Variants in SEC31B observed in about 807,000 individuals in gnomAD.
SEC31B encodes the protein SEC31 homolog B, COPII component.
Under a neutral mutation model 135.0 loss-of-function variants are expected in SEC31B, and 113 were observed. The ratio of observed to expected loss-of-function variants is 0.84; its 90% CI spans 0.72 to 0.98. SEC31B has a LOEUF of 0.98. SEC31B is among the 50% of genes least tolerant of loss of function. The pLI is 0.00. For synonymous variants in SEC31B, 508 were observed against 549.4 expected, an observed-to-expected ratio of 0.92 and a Z score of 1.05; for missense variants, 1,296 against 1,421.1, an observed-to-expected ratio of 0.91 and a Z score of 1.42.
rs750456757 is a variant in SEC31B, at chr10:100,489,305, CAG to C, written c.3116_3117del (p.Pro1039ArgfsTer25). ...GGGGGAGCATGACTCACACTGGAGA[CAG>C]GGGGCTGTGAGGGAAGAATCCCTTG... Reference protein sequence around the residue: ...ELQGILPSQPPVSSVSHAPPG... With the variant: ...ELQGILPSQPXVSSVSHAPPG... On this transcript the variant is annotated frameshift_variant, in exon 23 of 26. Coordinates refer to ENST00000370345, the MANE Select transcript of SEC31B (RefSeq NM_015490.4). LOFTEE classifies it high-confidence loss of function. 5.8e-5 allele frequency: 94 copies of C among 1,613,504 alleles called. No individual in the cohort carries two copies. Among genetic ancestry groups the C allele is most frequent in the African/African-American group, 3.3e-4 (25 of 74,898 alleles).
chr10:100,487,546 A>G lies in SEC31B; in HGVS notation c.*70T>C. 1 of 1,361,338 alleles carries G rather than the reference A, an allele frequency of 7.3e-7. No individual in the cohort carries two copies. Among genetic ancestry groups the G allele is most frequent in the Non-Finnish European group, 1.0e-6 (1 of 982,528 alleles). 84.3% of individuals were successfully genotyped at this position (1,361,338 alleles called of 1,614,324 possible). On this transcript the variant is annotated 3_prime_UTR_variant, in exon 26 of 26. Transcript: ENST00000370345. ...AAAAAGAAACAGAATCTGTTGCAGAAGTCCCCTCTTCTGCAGGGAGGAGTT... is the reference window on the plus strand; with the variant it reads ...AAAAAGAAACAGAATCTGTTGCAGAGGTCCCCTCTTCTGCAGGGAGGAGTT...
chr10:100,503,936 G>C (rs1222010742), intron 10 of SEC31B, among the ~76,000 whole-genome samples: 1 of 151,956 alleles, frequency 6.6e-6, no homozygotes, highest in African/African-American at 2.4e-5. Context: ...AACTCTCCCA[G>C]TCAGAATTCT....
At position 100,505,469 on chromosome 10, in the gene SEC31B, C is replaced by A; in HGVS notation, c.1071G>T (p.Gln357His). 6.4e-7 allele frequency: 1 copy of A among 1,567,406 alleles called. No individual in the cohort carries two copies. The highest frequency in any genetic ancestry group is 8.6e-7 in the Non-Finnish European group (1 of 1,159,892). The change falls in exon 10 of 26, where the codon CAG becomes CAT. Residue 357 changes from glutamine (Q) to histidine (H), a missense_variant. Physicochemically the swap from Gln to His is conservative, Grantham distance 24 (BLOSUM62 0). Transcript: ENST00000370345. ...DKISSSFSKG[Q>H]PLPPLQVPEQ... ...CTGGCACCTGCAGTGGTGGGAGAGG[C>A]TGGCCTTTGCTGAAGGAAGAGGAGA...
chr10:100,489,308 G>C lies in SEC31B; in HGVS notation c.3115C>G (p.Pro1039Ala). The C allele has an allele frequency of 1.2e-6, 2 of 1,613,660 alleles. No individual in the cohort carries two copies. Among genetic ancestry groups the C allele is most frequent in the Non-Finnish European group, 1.7e-6 (2 of 1,179,880 alleles). The part of the protein sequence containing the change: ...ELQGILPSQP[P>A]VSSVSHAPPG... Reference sequence around the variant, plus strand: ...GGAGCATGACTCACACTGGAGACAGGGGGCTGTGAGGGAAGAATCCCTTGT... The same window carrying C: ...GGAGCATGACTCACACTGGAGACAGCGGGCTGTGAGGGAAGAATCCCTTGT... Residue 1039 changes from proline (P) to alanine (A), a missense_variant, in exon 23 of 26, where the codon CCT becomes GCT. Physicochemically the swap from Pro to Ala is conservative, Grantham distance 27. Coordinates refer to ENST00000370345, the MANE Select transcript of SEC31B (RefSeq NM_015490.4).
At position 100,497,677 on chromosome 10, in the gene SEC31B, G is replaced by A. The variant is rs760589022; in HGVS notation, c.1980C>T (p.Pro660=). ...TGGGACCACACTTACCACAGAGCTC[G>A]GGAAATTTCTCTGTGCCTGAGTATG... ...LLTYSGTEKF[P]ELCDMLGTRM... is the part of the protein sequence containing the mutation. The change falls in exon 16 of 26, where the codon CCC becomes CCT. Residue 660 remains proline, a synonymous_variant. Transcript: ENST00000370345. 2.9e-5 allele frequency: 47 copies of A among 1,614,034 alleles called. No homozygotes were observed. The highest frequency in any genetic ancestry group is 1.1e-4 in the East Asian group (5 of 44,872).
chr10:100,495,479 G>A lies in SEC31B; in HGVS notation c.2378C>T (p.Ser793Phe), dbSNP rs1262363564. 3 of 1,613,720 alleles carry A rather than the reference G, an allele frequency of 1.9e-6. No homozygotes were observed. Among genetic ancestry groups the A allele is most frequent in the Non-Finnish European group, 2.5e-6 (3 of 1,179,830 alleles). ...AQGSAVLGQQ[S>F]PPFPFPRIVV... is the part of the protein sequence containing the mutation. ...AATCCGGGGGAAGGGGAAAGGGGGAGACTGTTGGCCCAAGACAGCAGAACC... is the reference window on the plus strand; with the variant it reads ...AATCCGGGGGAAGGGGAAAGGGGGAAACTGTTGGCCCAAGACAGCAGAACC... The change falls in exon 19 of 26, where the codon TCT becomes TTT. Residue 793 changes from serine (S) to phenylalanine (F), a missense_variant. Coordinates refer to ENST00000370345, the MANE Select transcript of SEC31B (RefSeq NM_015490.4).
At position 100,509,441 on chromosome 10, in the gene SEC31B, C is replaced by T. The variant is rs201700624; in HGVS notation, c.274G>A (p.Gly92Arg). 280 of 1,614,116 alleles carry T rather than the reference C, an allele frequency of 1.7e-4. 2 individuals carry two copies. The East Asian group carries it at 4.6e-3, about 27-fold the overall frequency. ...TATAGAATAAGCATGCCATTGTCCC[C>T]GCCGCCAACAATAACCCCGGAGCTT... ...LESSGVIVGG[G>R]DNGMLILYNV... Residue 92 changes from glycine (G) to arginine (R), a missense_variant, in exon 4 of 26, where the codon GGG becomes AGG. Transcript: ENST00000370345.
At chr10:100,515,995 T>C in intron 3 of SEC31B, 101 bp downstream of exon 3, 1 of 1,407,854 alleles carries the variant, frequency 7.1e-7, no homozygotes, top group South Asian at 1.3e-5. Flanking sequence ...AAGCTCCTTC[T>C]TCCCTCACTT....
chr10:100,497,739 G>A lies in SEC31B; in HGVS notation c.1918C>T (p.Leu640=), dbSNP rs759420535. 2.5e-6 allele frequency: 4 copies of A among 1,614,072 alleles called. No individual in the cohort carries two copies. In the African/African-American group the frequency reaches 5.3e-5, roughly 22 times the overall value. The change falls in exon 16 of 26, where the codon CTG becomes TTG. Residue 640 remains leucine (L), a synonymous_variant. Transcript: ENST00000370345. ...NWKDVVCTCS[L]KNWREALALL... ...GCCAGTGCCTCTCTCCAGTTCTTCAGGCTACAGGTACACACCACATCCTTC... is the reference window on the plus strand; with the variant it reads ...GCCAGTGCCTCTCTCCAGTTCTTCAAGCTACAGGTACACACCACATCCTTC...
At chr10:100,498,999 C>T (rs1042293914) in intron 13 of SEC31B, among the ~76,000 whole-genome samples, 161 bp downstream of exon 13, 4 of 152,196 alleles carry the variant, frequency 2.6e-5, no homozygotes, top group African/African-American at 9.7e-5. Context: ...AGCTTAGGGA[C>T]TCTGTGTCTC....
chr10:100,507,540 G>C lies in SEC31B; in HGVS notation c.667C>G (p.Pro223Ala), dbSNP rs777666154. 7.4e-6 allele frequency: 12 copies of C among 1,614,124 alleles called. No individual in the cohort carries two copies. The East Asian group carries it at 2.2e-4, about 30-fold the overall frequency. ...AGCACTAACTGGGTGGCTATGTCAG[G>C]ATGCCAGGCCAGGCCTGAGCAGTGC... Reference protein sequence around the residue: ...RMHCSGLAWHPDIATQLVLCS... With the variant: ...RMHCSGLAWHADIATQLVLCS... The change falls in exon 7 of 26, where the codon CCT becomes GCT. Residue 223 changes from proline to alanine, a missense_variant. Physicochemically the swap from Pro to Ala is conservative, Grantham distance 27 (BLOSUM62 -1). Transcript: ENST00000370345.
chr10:100,517,111 G>C (rs1432280606), intron 1 of SEC31B, 114 bp from the exon 2 acceptor site: 2 of 609,570 alleles, frequency 3.3e-6, no homozygotes, highest in African/African-American at 3.7e-5. Flanking sequence ...AACACAGAGT[G>C]ACAAATACAT....
rs775282313 is a variant in SEC31B, at chr10:100,489,384, A to G, written c.3039T>C (p.Phe1013=). Residue 1013 remains phenylalanine, a synonymous_variant, in exon 23 of 26, where the codon TTT becomes TTC. Coordinates refer to ENST00000370345, the MANE Select transcript of SEC31B (RefSeq NM_015490.4). ...NLQRNKLPET[F]MPPAPITAPV... ...GAGCAGTAATTGGTGCTGGGGGCAT[A>G]AATGTCTCTGGCAGCTAAAGAGACA... The G allele has an allele frequency of 2.5e-6, 4 of 1,613,822 alleles. No homozygotes were observed. The highest frequency in any genetic ancestry group is 3.4e-6 in the Non-Finnish European group (4 of 1,179,986).
intron 16 of SEC31B, 69 bp downstream of exon 16, chr10:100,497,598 C>A: frequency 1.2e-6 from 2 of 1,610,610 alleles, no homozygotes; most frequent in Non-Finnish European, 1.7e-6. Context: ...CCACCTCCCT[C>A]CTGCATGCAT....
intron 20 of SEC31B, 154 bp from the exon 21 acceptor site, chr10:100,490,476 A>G: frequency 1.0e-6 from 1 of 968,718 alleles, no homozygotes; most frequent in Non-Finnish European, 1.5e-6. Flanking sequence ...TTTTAACTAT[A>G]TTCCTTATTT....
In SEC31B at chr10:100,496,383, G is replaced by A. The variant is rs370328642; in HGVS notation, c.2185C>T (p.Arg729Trp). ...MVLNRSLEQL[R>W]GPHGVSPGPA... is the part of the protein sequence containing the mutation. ...CCTGGGCTCACCCCATGAGGACCCC[G>A]CAGTTGCTCCAAGCTCCTGTTAAGA... Residue 729 changes from arginine to tryptophan, a missense_variant, in exon 18 of 26, where the codon CGG (arginine) becomes TGG (tryptophan). By Grantham distance (101) the Arg-to-Trp change is moderately radical. Coordinates refer to ENST00000370345, the MANE Select transcript of SEC31B (RefSeq NM_015490.4). 104 of 1,614,054 alleles carry A rather than the reference G, an allele frequency of 6.4e-5. No homozygotes were observed. Among genetic ancestry groups the A allele is most frequent in the Non-Finnish European group, 8.1e-5 (96 of 1,180,038 alleles).
chr10:100,488,696 G>A (rs1438013792), intron 24 of SEC31B, among the ~76,000 whole-genome samples, 162 bp downstream of exon 24: 1 of 152,030 alleles, frequency 6.6e-6, no homozygotes, highest in Non-Finnish European at 1.5e-5. Flanking sequence ...AGACTCAAAA[G>A]TCTCTCCCCA....
At chr10:100,512,647 G>A (rs1455100348) in intron 3 of SEC31B, among the ~76,000 whole-genome samples, 1 of 152,164 alleles carries the variant, frequency 6.6e-6, no homozygotes, top group Non-Finnish European at 1.5e-5. Context: ...TCCAAATTTG[G>A]TTGAGGCATG....
chr10:100,510,855 T>C (rs1003924132), intron 3 of SEC31B, among the ~76,000 whole-genome samples: 2 of 152,214 alleles, frequency 1.3e-5, no homozygotes, highest in Admixed American at 6.5e-5. Flanking sequence ...ATGATCTTAA[T>C]ACAGCAGAAG....
Sources: allele counts gnomAD v4.1 joint callset (sites outside exome capture counted in the v4.1 genomes callset), GRCh38; gene constraint gnomAD v4.1.1; transcripts MANE v1.5; gene names NCBI Gene and HGNC (gene_info 2026-07-23, HGNC 2026-07-21).